STRBP: variants seen among roughly 807,000 people sequenced by gnomAD.
STRBP encodes spermatid perinuclear RNA-binding protein.
A neutral mutation model predicts 80.1 loss-of-function variants in STRBP; 13 were observed. The ratio of observed to expected loss-of-function variants is 0.16; its 90% CI spans 0.11 to 0.26. The LOEUF (loss-of-function observed/expected upper bound fraction) is 0.26, where lower values mean the gene tolerates loss of function less well. Ranked by LOEUF, STRBP falls within the 10% of genes least tolerant of loss-of-function variation. STRBP has a pLI of 1.00. For missense variants in STRBP, 485 were observed against 815.2 expected (o/e 0.59, Z 4.93); for synonymous variants, 284 against 291.2 (o/e 0.98, Z 0.25).
rs2040907928 is a variant in STRBP, at chr9:123,251,186, CTTCTTTTCTTTTCTTTTCTTTCT to C, written c.-301-14243_-301-14221del. On this transcript the variant is annotated intron_variant, in intron 1 of 18. Coordinates refer to ENST00000348403, the MANE Select transcript of STRBP (RefSeq NM_018387.5). ...CTTTCTTTTCTTTTTTCTTTCTTTC[CTTCTTTTCTTTTCTTTTCTTTCT>C]TTCTTTTCTCTCTCCCTCTCTCAAA... Among the ~76,000 whole-genome samples the C allele has an allele frequency of 2.0e-5, 3 of 151,920 alleles. No homozygotes were observed. The South Asian group carries it at 6.2e-4, about 32-fold the overall frequency.
intron 9 of STRBP, among the ~76,000 whole-genome samples, chr9:123,158,707 A>T (rs1368433350): frequency 6.6e-6 from 1 of 152,212 alleles, no homozygotes; most frequent in East Asian, 1.9e-4. Flanking sequence ...ACAATGAATC[A>T]GCCCAAATCT....
At chr9:123,205,446 G>C (rs1460020256) in intron 2 of STRBP, among the ~76,000 whole-genome samples, 1 of 152,130 alleles carries the variant, frequency 6.6e-6, no homozygotes, top group Admixed American at 6.5e-5. Flanking sequence ...CCCATATCTG[G>C]AGACAGAATG....
At chr9:123,163,345 T>A (rs2037607656) in intron 6 of STRBP, among the ~76,000 whole-genome samples, 2 of 152,254 alleles carry the variant, frequency 1.3e-5, no homozygotes, top group African/African-American at 4.8e-5. Flanking sequence ...AGTCAGATTG[T>A]AACCACAAAC....
At chr9:123,140,533 G>A (rs550842657) in intron 13 of STRBP, among the ~76,000 whole-genome samples, 1 of 152,242 alleles carries the variant, frequency 6.6e-6, no homozygotes, top group African/African-American at 2.4e-5. Flanking sequence ...GGCGGAGGTT[G>A]CAGTGAGCGG....
At chr9:123,194,153 T>C (rs2039017168) in intron 2 of STRBP, among the ~76,000 whole-genome samples, 1 of 152,180 alleles carries the variant, frequency 6.6e-6, no homozygotes, top group Non-Finnish European at 1.5e-5. Flanking sequence ...TCCTAATGAT[T>C]TTCTCACACT....
rs1446062400 is a variant in STRBP at position 123,123,201 on chromosome 9, A to G, written c.*2396T>C. On this transcript the variant is annotated 3_prime_UTR_variant, in exon 19 of 19. Transcript: ENST00000348403. ...CAGAGGCTGGCAATAGGGGCTGTCAATGAAAAAACCACCTACAGTGGAGAA... is the reference window on the plus strand; with the variant it reads ...CAGAGGCTGGCAATAGGGGCTGTCAGTGAAAAAACCACCTACAGTGGAGAA... 4.1e-6 allele frequency: 4 copies of G among 985,344 alleles called. No individual in the cohort carries two copies. Among genetic ancestry groups the G allele is most frequent in the South Asian group, 4.7e-5 (1 of 21,296 alleles). 61.0% of individuals were successfully genotyped at this position (985,344 alleles called of 1,614,324 possible). A position where few individuals can be genotyped will look rare whatever the true frequency, so the allele number is the denominator to read the frequency against.
chr9:123,254,120 CAACT>C (rs1408266313), intron 1 of STRBP, among the ~76,000 whole-genome samples: 1 of 152,016 alleles, frequency 6.6e-6, no homozygotes, highest in Non-Finnish European at 1.5e-5. Flanking sequence ...AATGACCAAC[CAACT>C]AAGCTGGTTA....
intron 2 of STRBP, among the ~76,000 whole-genome samples, chr9:123,234,094 A>G (rs1003780352): frequency 6.6e-5 from 10 of 151,582 alleles, no homozygotes; most frequent in Admixed American, 5.9e-4. Context: ...CCAGCTACTC[A>G]GGAGGCTGAG....
intron 1 of STRBP, among the ~76,000 whole-genome samples, chr9:123,237,824 T>C (rs1484892817): frequency 6.6e-6 from 1 of 152,198 alleles, no homozygotes; most frequent in East Asian, 1.9e-4. Flanking sequence ...AAGCTTTTAA[T>C]GCCTTCACAC....
chr9:123,266,709 A>C (rs921712676), intron 1 of STRBP, among the ~76,000 whole-genome samples: 2 of 151,538 alleles, frequency 1.3e-5, no homozygotes, highest in African/African-American at 2.4e-5. Context: ...TATTTCCCCC[A>C]CCACCACCAC....
chr9:123,161,580 TA>T (rs1174768470), intron 6 of STRBP, among the ~76,000 whole-genome samples: 1 of 152,156 alleles, frequency 6.6e-6, no homozygotes, highest in Non-Finnish European at 1.5e-5. Flanking sequence ...TTACACTAGA[TA>T]AACTAATTCA....
At chr9:123,199,983 G>A (rs566327980) in intron 2 of STRBP, among the ~76,000 whole-genome samples, 2 of 152,152 alleles carry the variant, frequency 1.3e-5, no homozygotes, top group South Asian at 2.1e-4. Context: ...TCCCCATTCC[G>A]TATGATGTTG....
At chr9:123,244,011 GAACA>G (rs1345682285) in intron 1 of STRBP, among the ~76,000 whole-genome samples, 1 of 152,114 alleles carries the variant, frequency 6.6e-6, no homozygotes, top group Non-Finnish European at 1.5e-5. Flanking sequence ...CAAAAACTGG[GAACA>G]ACCAAGATGT....
Position 123,122,915 on chromosome 9 carries a change from T to C in STRBP, c.*2682A>G, listed in dbSNP as rs555122913. On this transcript the variant is annotated 3_prime_UTR_variant, in exon 19 of 19. Coordinates refer to ENST00000348403, the MANE Select transcript of STRBP (RefSeq NM_018387.5). ...GCTAAAAAGGGGTTAAGTACAGATA[T>C]TGCTAGGTTTCCAAAGGAAAAGTTT... is the stretch of plus-strand genomic sequence containing the variant. 2.0e-6 allele frequency: 2 copies of C among 985,500 alleles called. No homozygotes were observed. The highest frequency in any genetic ancestry group is 5.2e-4 in the Middle Eastern group (1 of 1,914). 61.0% of individuals were successfully genotyped at this position (985,500 alleles called of 1,614,324 possible).
rs564418317 is a variant in STRBP at position 123,184,251 on chromosome 9, T to C, written c.-117A>G. On this transcript the variant is annotated 5_prime_UTR_variant, in exon 3 of 19. Coordinates refer to ENST00000348403, the MANE Select transcript of STRBP (RefSeq NM_018387.5). ...TCATAAGCCTGAGTCCCCTGACAGCTCAGCGTCAATATAGCAAATGTCTGA... is the reference window on the plus strand; with the variant it reads ...TCATAAGCCTGAGTCCCCTGACAGCCCAGCGTCAATATAGCAAATGTCTGA... 11 of 946,480 alleles carry C rather than the reference T, an allele frequency of 1.2e-5. No homozygotes were observed. In the Admixed American group the frequency reaches 2.7e-4, roughly 23 times the overall value. 58.6% of individuals were successfully genotyped at this position (946,480 alleles called of 1,614,324 possible).
intron 1 of STRBP, among the ~76,000 whole-genome samples, chr9:123,246,165 T>A (rs1289893007): frequency 6.6e-6 from 1 of 152,210 alleles, no homozygotes; most frequent in Non-Finnish European, 1.5e-5. Context: ...CTCGTGACTT[T>A]CACAAATTTA....
chr9:123,160,902 C>T lies in STRBP; in HGVS notation c.627+75G>A, dbSNP rs1413614852. ...CCTCATTTTATGTAGTACACAGAAA[C>T]CAATTAAGTGGCAGGTGTTCCAAAT... On this transcript the variant is annotated intron_variant, in intron 7 of 18. Coordinates refer to ENST00000348403, the MANE Select transcript of STRBP (RefSeq NM_018387.5). 3 of 1,241,850 alleles carry T rather than the reference C, an allele frequency of 2.4e-6. No individual in the cohort carries two copies. In the African/African-American group the frequency reaches 4.7e-5, roughly 19 times the overall value. 76.9% of individuals were successfully genotyped at this position (1,241,850 alleles called of 1,614,324 possible). A position where few individuals can be genotyped will look rare whatever the true frequency, so the allele number is the denominator to read the frequency against.
intron 1 of STRBP, among the ~76,000 whole-genome samples, chr9:123,260,831 CACTCATAT>C (rs2041146114): frequency 6.6e-6 from 1 of 152,126 alleles, no homozygotes; most frequent in South Asian, 2.1e-4. Flanking sequence ...GTACTGTTTC[CACTCATAT>C]ACATCTGAAA....
Position 123,152,881 on chromosome 9 carries a change from T to C in STRBP, c.1046-5011A>G, listed in dbSNP as rs116384681. 3.6e-3 allele frequency among the ~76,000 whole-genome samples: 552 copies of C among 152,310 alleles called. 5 individuals carry two copies. Among genetic ancestry groups the C allele is most frequent in the African/African-American group, 0.013 (526 of 41,568 alleles). On this transcript the variant is annotated intron_variant, in intron 11 of 18. Transcript: ENST00000348403. ...AACTTACACACACGCACTGTATCAC[T>C]GTCAATTTCCTGGTTTTGATATTGT...
Sources: allele counts gnomAD v4.1 joint callset (sites outside exome capture counted in the v4.1 genomes callset), GRCh38; gene constraint gnomAD v4.1.1; transcripts MANE v1.5; gene names NCBI Gene and HGNC (gene_info 2026-07-23, HGNC 2026-07-21).